MIP: variants seen among roughly 807,000 people sequenced by gnomAD.
The protein encoded by MIP is major intrinsic protein of lens fiber.
MIP carries 14 observed loss-of-function variants against 21.8 expected under a neutral mutation model. The ratio of observed to expected loss-of-function variants is 0.64; its 90% CI spans 0.42 to 1.00. The LOEUF is 1.00. Among genes scored for constraint, MIP ranks in the 50% least tolerant of loss-of-function variants. The probability of loss-of-function intolerance (pLI) is 0.00; values close to 1 mark genes in which losing one functional copy is unlikely to be tolerated. For missense variants in MIP, 260 were observed against 333.5 expected, an observed-to-expected ratio of 0.78 and a Z score of 1.72; for synonymous variants, 133 against 141.4, an observed-to-expected ratio of 0.94 and a Z score of 0.42.
chr12:56,456,069 A>G (rs1565695372), upstream of MIP, among the ~76,000 whole-genome samples: 1 of 152,212 alleles, frequency 6.6e-6, no homozygotes, highest in Non-Finnish European at 1.5e-5. Context: ...TCAATTACAT[A>G]GAAGAGAAAC....
upstream of MIP, among the ~76,000 whole-genome samples, chr12:56,456,104 T>C (rs1179526955): frequency 3.3e-5 from 5 of 152,108 alleles, no homozygotes; most frequent in Admixed American, 3.3e-4. Context: ...CATTGGAATC[T>C]CCTATATTCT....
intron 3 of MIP, 76 bp from the exon 4 acceptor site, chr12:56,451,541 T>C: frequency 7.8e-7 from 1 of 1,281,438 alleles, no homozygotes; most frequent in Non-Finnish European, 1.1e-6. Context: ...CCAGCCACCT[T>C]AGTGGAAAAC....
At chr12:56,453,225 C>T (rs1252761293) in intron 2 of MIP, 73 bp from the exon 3 acceptor site, 15 of 1,082,822 alleles carry the variant, frequency 1.4e-5, no homozygotes, top group South Asian at 1.3e-5. Flanking sequence ...ACCCACATTG[C>T]CCCTGAGAGC....
Position 56,454,565 on chromosome 12 carries a change from A to C in MIP, c.49T>G (p.Phe17Val). 1 of 1,614,090 alleles carries C rather than the reference A, an allele frequency of 6.2e-7. No individual in the cohort carries two copies. The highest frequency in any genetic ancestry group is 8.5e-7 in the Non-Finnish European group (1 of 1,179,962). ...ASFWRAIFAE[F>V]FATLFYVFFG... ...AAGACATAGAAGAGGGTGGCAAAGA[A>C]CTCAGCGAATATGGCCCTCCAAAAG... The change falls in exon 1 of 4, where the codon TTC becomes GTC. Residue 17 changes from phenylalanine (F) to valine (V), a missense_variant. Physicochemically the swap from Phe to Val is conservative, Grantham distance 50 (BLOSUM62 -1). Transcript: ENST00000652304.
At position 56,450,485 on chromosome 12, in the gene MIP, T is replaced by A. The variant is rs1323408388; in HGVS notation, c.*795A>T. On this transcript the variant is annotated 3_prime_UTR_variant, in exon 4 of 4. Transcript: ENST00000652304. ...ATTCTAGGCTTGCCCAAGCTCTATT[T>A]AGGTTGGAAGCTCTTTGGCCCAGGA... 6.6e-6 allele frequency: 1 copy of A among 152,218 alleles called. No individual in the cohort carries two copies. The highest frequency in any genetic ancestry group is 1.5e-5 in the Non-Finnish European group (1 of 68,054). The allele number at this position is 152,218 out of a possible 1,614,324, so 9.4% of individuals were successfully genotyped here.
rs969251232 is a variant in MIP, at chr12:56,449,503, C to T, written c.*1777G>A. On this transcript the variant is annotated 3_prime_UTR_variant, in exon 4 of 4. Coordinates refer to ENST00000652304, the MANE Select transcript of MIP (RefSeq NM_012064.4). ...GGTGAAGAAGGAAGGAAAAGGGAAG[C>T]GAGTGCAGGGACTGTTTTATGTGAG... 6.6e-6 allele frequency: 1 copy of T among 152,484 alleles called. No homozygotes were observed. The highest frequency in any genetic ancestry group is 1.9e-4 in the East Asian group (1 of 5,186). The allele number at this position is 152,484 out of a possible 1,614,324, so 9.4% of individuals were successfully genotyped here.
At position 56,449,812 on chromosome 12, in the gene MIP, C is replaced by T. The variant is rs1369576187; in HGVS notation, c.*1468G>A. On this transcript the variant is annotated 3_prime_UTR_variant, in exon 4 of 4. Transcript: ENST00000652304. ...AGGCTCATAAAAGGAAGAAAGCAAC[C>T]GTAAATATTCATTGAACAGTTGAGG... 6.6e-6 allele frequency: 1 copy of T among 152,052 alleles called. No individual in the cohort carries two copies. The highest frequency in any genetic ancestry group is 2.4e-5 in the African/African-American group (1 of 41,396). 9.4% of individuals were successfully genotyped at this position (152,052 alleles called of 1,614,324 possible).
Position 56,454,280 on chromosome 12 carries a change from C to T in MIP, c.334G>A (p.Val112Ile), listed in dbSNP as rs367909155. The change falls in exon 1 of 4, where the codon GTC becomes ATC. Residue 112 changes from valine (V) to isoleucine (I), a missense_variant. Physicochemically the swap from Val to Ile is conservative, Grantham distance 29. Coordinates refer to ENST00000652304, the MANE Select transcript of MIP (RefSeq NM_012064.4). ...AVLYSVTPPA[V>I]RGNLALNTLH... is the part of the protein sequence containing the mutation. Reference sequence around the variant, plus strand: ...GTGTTGAGTGCTAGGTTTCCTCGGACAGCAGGTGGGGTAACGCTATACAGC... The same window carrying T: ...GTGTTGAGTGCTAGGTTTCCTCGGATAGCAGGTGGGGTAACGCTATACAGC... 4 of 1,614,026 alleles carry T rather than the reference C, an allele frequency of 2.5e-6. No homozygotes were observed. Among genetic ancestry groups the T allele is most frequent in the Non-Finnish European group, 3.4e-6 (4 of 1,180,034 alleles).
upstream of MIP, among the ~76,000 whole-genome samples, chr12:56,456,370 C>T (rs1868789903): frequency 6.6e-6 from 1 of 152,186 alleles, no homozygotes; most frequent in Admixed American, 6.6e-5. Flanking sequence ...GGTGCGGTGG[C>T]TCACGCCTGT....
rs1037488644 is a variant in MIP, at chr12:56,454,624, A to G, written c.-11T>C. On this transcript the variant is annotated 5_prime_UTR_variant, in exon 1 of 4. Coordinates refer to ENST00000652304, the MANE Select transcript of MIP (RefSeq NM_012064.4). ...TCGCAGTTCCCACATGGCAGGGGGGATGGTCACAGTGCCTGGGTCCCTGCT... is the reference window on the plus strand; with the variant it reads ...TCGCAGTTCCCACATGGCAGGGGGGGTGGTCACAGTGCCTGGGTCCCTGCT... The G allele has an allele frequency of 1.2e-6, 2 of 1,613,278 alleles. No homozygotes were observed. The highest frequency in any genetic ancestry group is 1.3e-5 in the African/African-American group (1 of 74,858).
chr12:56,451,914 C>T (rs573704493), intron 3 of MIP, among the ~76,000 whole-genome samples: 46 of 152,158 alleles, frequency 3.0e-4, no homozygotes, highest in South Asian at 4.2e-4. Flanking sequence ...TGGTGGCAGG[C>T]GCCTGAAATC....
rs1868530545 is a variant in MIP, at chr12:56,449,940, AAGATCGCTTGAGCCCAGGATTTCT to A, written c.*1316_*1339del. 6.6e-6 allele frequency: 1 copy of A among 152,176 alleles called. No homozygotes were observed. The highest frequency in any genetic ancestry group is 2.4e-5 in the African/African-American group (1 of 41,428). 9.4% of individuals were successfully genotyped at this position (152,176 alleles called of 1,614,324 possible). On this transcript the variant is annotated 3_prime_UTR_variant, in exon 4 of 4. Transcript: ENST00000652304. Reference sequence around the variant, plus strand: ...CAGCTACTGGGGAGGCTGAAGCAGGAAGATCGCTTGAGCCCAGGATTTCTAGACTGTAGTGTGCGATGATCGTGC... The same window carrying A: ...CAGCTACTGGGGAGGCTGAAGCAGGAAGACTGTAGTGTGCGATGATCGTGC...
In MIP at chr12:56,453,087, G is replaced by A; in HGVS notation, c.591C>T (p.Asn197=). The part of the protein sequence containing the change: ...RSFAPAILTG[N]FTNHWVYWVG... ...CTTCACTCACCCAGTGGTTAGTGAA[G>A]TTCCCAGTGAGAATGGCAGGAGCAA... is the stretch of plus-strand genomic sequence containing the variant. The change falls in exon 3 of 4, where the codon AAC becomes AAT. Residue 197 remains asparagine (N), a synonymous_variant. Transcript: ENST00000652304. The A allele has an allele frequency of 6.2e-7, 1 of 1,612,134 alleles. No individual in the cohort carries two copies. The highest frequency in any genetic ancestry group is 8.5e-7 in the Non-Finnish European group (1 of 1,178,156).
rs1868660652 is a variant in MIP, at chr12:56,452,794, G to T, written c.606+278C>A. 4 of 487,144 alleles carry T rather than the reference G, an allele frequency of 8.2e-6. No homozygotes were observed. The South Asian group carries it at 8.3e-5, about 10-fold the overall frequency. The allele number at this position is 487,144 out of a possible 1,614,324, so 30.2% of individuals were successfully genotyped here. A position where few individuals can be genotyped will look rare whatever the true frequency, so the allele number is the denominator to read the frequency against. On this transcript the variant is annotated intron_variant, in intron 3 of 3. Transcript: ENST00000652304. ...GCAGAATTTATTCTGCTCATATTTA[G>T]TTGTCTCTCTTCATACCCGCTAGTT... is the stretch of plus-strand genomic sequence containing the variant.
At chr12:56,455,800 A>G (rs993019993), upstream of MIP, among the ~76,000 whole-genome samples, 16 of 152,288 alleles carry the variant, frequency 1.1e-4, no homozygotes, top group African/African-American at 3.1e-4. Context: ...ACCGGCCACA[A>G]ACTTTTCTCA....
At chr12:56,452,028 G>A (rs560745797) in intron 3 of MIP, among the ~76,000 whole-genome samples, 1 of 152,232 alleles carries the variant, frequency 6.6e-6, no homozygotes. Context: ...CTCCAGCCTG[G>A]GTGACAGAGG....
chr12:56,453,296 G>C (rs1220443612), intron 2 of MIP, 144 bp from the exon 3 acceptor site: 2 of 756,506 alleles, frequency 2.6e-6, no homozygotes, highest in East Asian at 5.3e-5. Context: ...CTCTCCAGGG[G>C]TTCCTGCAAT....
rs1335323009 is a variant in MIP, at chr12:56,450,040, T to G, written c.*1240A>C. 2 of 19,882 alleles carry G rather than the reference T, an allele frequency of 1.0e-4. No individual in the cohort carries two copies. The highest frequency in any genetic ancestry group is 1.2e-3 in the Non-Finnish European group (2 of 1,680). The allele number at this position is 19,882 out of a possible 1,614,324, so 1.2% of individuals were successfully genotyped here. The stretch of plus-strand genomic sequence containing the variant: ...CTGGTCAACATAGTAAGACCCCCTC[T>G]CAAAAAAAAAAAGAAGATAGGGCTC... On this transcript the variant is annotated 3_prime_UTR_variant, in exon 4 of 4. Transcript: ENST00000652304.
chr12:56,456,004 TG>T (rs759710517), upstream of MIP, among the ~76,000 whole-genome samples: 1 of 152,152 alleles, frequency 6.6e-6, no homozygotes, highest in Non-Finnish European at 1.5e-5. Flanking sequence ...ACCTATCCAC[TG>T]GCAGGAAGAG....
Sources: allele counts gnomAD v4.1 joint callset (sites outside exome capture counted in the v4.1 genomes callset), GRCh38; gene constraint gnomAD v4.1.1; transcripts MANE v1.5; gene names NCBI Gene and HGNC (gene_info 2026-07-23, HGNC 2026-07-21).